AKR1C8: variants seen among roughly 807,000 people sequenced by gnomAD.
The protein encoded by AKR1C8 is aldo-keto reductase family 1 member C8, also known as aldo-keto reductase family 1 member C-like protein 1.
the AKR1C8 span, among the ~76,000 whole-genome samples, chr10:5,156,492 T>A: frequency 6.1e-5 from 9 of 147,086 alleles, no homozygotes; most frequent in Middle Eastern, 3.4e-3. Flanking sequence ...ACTTTCATTA[T>A]GTGATCCAGG....
chr10:5,158,846 G>T, the AKR1C8 span: 1 of 378,644 alleles, frequency 2.6e-6, no homozygotes. Context: ...TTTTCCCCAT[G>T]CACCTTCTGA....
the AKR1C8 span, among the ~76,000 whole-genome samples, chr10:5,165,101 A>G: frequency 6.6e-6 from 1 of 152,170 alleles, no homozygotes; most frequent in East Asian, 1.9e-4. Flanking sequence ...TCACCTAATA[A>G]GGGCCTTTTT....
At chr10:5,117,317 A>G in the AKR1C8 span, among the ~76,000 whole-genome samples, 1 of 152,256 alleles carries the variant, frequency 6.6e-6, no homozygotes, top group African/African-American at 2.4e-5. Flanking sequence ...ACCTATTTGT[A>G]CATTTGGCTC....
chr10:5,121,126 CAT>C, the AKR1C8 span, among the ~76,000 whole-genome samples: 38 of 152,056 alleles, frequency 2.5e-4, no homozygotes, highest in Admixed American at 2.6e-4. Flanking sequence ...TGCAAACACA[CAT>C]AAAAAATTTC....
chr10:5,150,769 C>T, the AKR1C8 span, among the ~76,000 whole-genome samples: 3 of 152,068 alleles, frequency 2.0e-5, no homozygotes, highest in Admixed American at 1.3e-4. Flanking sequence ...CTCTACTTCT[C>T]ATAGAAAGGA....
At chr10:5,165,958 T>A in the AKR1C8 span, among the ~76,000 whole-genome samples, 1 of 152,028 alleles carries the variant, frequency 6.6e-6, no homozygotes, top group African/African-American at 2.4e-5. Context: ...GACACTTGCA[T>A]CCATGGGTGA....
the AKR1C8 span, among the ~76,000 whole-genome samples, chr10:5,139,020 T>C: frequency 0.96 from 145,856 of 152,220 alleles, 69,954 homozygotes; most frequent in East Asian, 1. Flanking sequence ...CAATAACAGA[T>C]AGAGAGCCAA....
At chr10:5,149,176 G>C in the AKR1C8 span, among the ~76,000 whole-genome samples, 1 of 152,092 alleles carries the variant, frequency 6.6e-6, no homozygotes, top group Non-Finnish European at 1.5e-5. Context: ...ATTCAGACCA[G>C]ATAAATTGTA....
chr10:5,141,068 T>C, the AKR1C8 span, among the ~76,000 whole-genome samples: 2 of 152,178 alleles, frequency 1.3e-5, no homozygotes, highest in African/African-American at 4.8e-5. Flanking sequence ...GTCAATTCTC[T>C]GTAACCCAGC....
At chr10:5,169,701 G>A in the AKR1C8 span, among the ~76,000 whole-genome samples, 1 of 151,802 alleles carries the variant, frequency 6.6e-6, no homozygotes, top group Non-Finnish European at 1.5e-5. Context: ...GGGTACTACA[G>A]TATATAGTCC....
At chr10:5,146,823 A>G in the AKR1C8 span, among the ~76,000 whole-genome samples, 2 of 152,086 alleles carry the variant, frequency 1.3e-5, no homozygotes, top group Admixed American at 6.6e-5. Context: ...CAATGTCTAG[A>G]AGGGTTATCT....
At chr10:5,161,476 G>A in the AKR1C8 span, among the ~76,000 whole-genome samples, 1 of 152,150 alleles carries the variant, frequency 6.6e-6, no homozygotes, top group Non-Finnish European at 1.5e-5. Context: ...TCCCACTAAA[G>A]AGGTGGGGGT....
chr10:5,181,290 A>T, the AKR1C8 span, among the ~76,000 whole-genome samples: 1 of 152,238 alleles, frequency 6.6e-6, no homozygotes, highest in Non-Finnish European at 1.5e-5. Flanking sequence ...ATTAATAAAA[A>T]ACTAATAAAA....
the AKR1C8 span, among the ~76,000 whole-genome samples, chr10:5,151,955 G>C: frequency 6.6e-6 from 1 of 152,192 alleles, no homozygotes; most frequent in Non-Finnish European, 1.5e-5. Flanking sequence ...AGGAGTCATA[G>C]TAGGAATAGA....
the AKR1C8 span, among the ~76,000 whole-genome samples, chr10:5,141,470 C>T: frequency 2.0e-3 from 298 of 152,250 alleles, no homozygotes; most frequent in Middle Eastern, 0.01. Flanking sequence ...ATGCTGAATT[C>T]TTTCCAGAAG....
chr10:5,184,927 C>A, the AKR1C8 span: 1 of 471,090 alleles, frequency 2.1e-6, no homozygotes, highest in Non-Finnish European at 4.4e-6. Flanking sequence ...CATCCACTGT[C>A]TACCCAAGTG....
the AKR1C8 span, among the ~76,000 whole-genome samples, chr10:5,115,833 T>C: frequency 6.6e-6 from 1 of 152,116 alleles, no homozygotes; most frequent in Non-Finnish European, 1.5e-5. Context: ...TTAGTACAAG[T>C]ATATACATGC....
At chr10:5,178,115 T>C in the AKR1C8 span, among the ~76,000 whole-genome samples, 3 of 152,260 alleles carry the variant, frequency 2.0e-5, no homozygotes, top group South Asian at 4.1e-4. Context: ...TTGTGGGCAT[T>C]TAGTGCTATA....
the AKR1C8 span, among the ~76,000 whole-genome samples, chr10:5,129,670 A>AGTAAATGG: frequency 6.6e-6 from 1 of 152,070 alleles, no homozygotes; most frequent in Admixed American, 6.6e-5. Flanking sequence ...TAAAATCTAG[A>AGTAAATGG]GTAAATGGAT....
Sources: gnomAD v4.1 joint callset for allele counts (sites outside exome capture counted in the v4.1 genomes callset) on GRCh38, gnomAD v4.1.1 for gene constraint, MANE v1.5 for transcripts, NCBI Gene and HGNC (gene_info 2026-07-23, HGNC 2026-07-21) for gene names.